SLC25A48: variants seen among roughly 807,000 people sequenced by gnomAD.
SLC25A48 encodes solute carrier family 25 member 48, also known as CTC-321K16.1.
Under a neutral mutation model 32.2 loss-of-function variants are expected in SLC25A48, and 29 were observed. The observed-to-expected ratio is 0.90, with a 90% confidence interval of 0.67 to 1.23. The LOEUF is 1.23. Among genes scored for constraint, SLC25A48 ranks in the 50% most tolerant of loss-of-function variants. The probability of loss-of-function intolerance (pLI) is 0.00; values close to 1 mark genes in which losing one functional copy is unlikely to be tolerated. For synonymous variants in SLC25A48, 164 were observed against 172.3 expected (o/e 0.95, Z 0.38); for missense variants, 399 against 422.7 (o/e 0.94, Z 0.49).
intron 2 of SLC25A48, among the ~76,000 whole-genome samples, chr5:135,632,662 A>C (rs578037387): frequency 6.6e-6 from 1 of 152,336 alleles, no homozygotes; most frequent in South Asian, 2.1e-4. Flanking sequence ...ATTCAAACCC[A>C]TGTTTTGAAC....
intron 1 of SLC25A48, among the ~76,000 whole-genome samples, chr5:135,838,811 C>G (rs1179318713): frequency 6.6e-6 from 1 of 152,242 alleles, no homozygotes; most frequent in African/African-American, 2.4e-5. Flanking sequence ...TATGAAAATG[C>G]CTGGATGTCC....
At chr5:135,678,218 G>GT (rs1277661091) in intron 3 of SLC25A48, among the ~76,000 whole-genome samples, 8 of 151,366 alleles carry the variant, frequency 5.3e-5, no homozygotes, top group South Asian at 2.1e-4. Flanking sequence ...TTTTTAATTC[G>GT]TTTTTTTTCT....
intron 1 of SLC25A48, among the ~76,000 whole-genome samples, chr5:135,587,888 A>C (rs1484664870): frequency 2.0e-5 from 3 of 152,220 alleles, no homozygotes; most frequent in African/African-American, 7.2e-5. Context: ...TGGAAGTGCA[A>C]AATCTGTCCA....
chr5:135,789,281 CT>C (rs1756953728), intron 3 of SLC25A48, among the ~76,000 whole-genome samples: 1 of 56,496 alleles, frequency 1.8e-5, no homozygotes, highest in African/African-American at 4.2e-5. Flanking sequence ...TGTACACCCC[CT>C]GCCATATGTT....
At chr5:135,775,402 C>T (rs1442825677) in intron 3 of SLC25A48, among the ~76,000 whole-genome samples, 7 of 151,528 alleles carry the variant, frequency 4.6e-5, no homozygotes, top group Non-Finnish European at 1.5e-5. Context: ...TGACATTACT[C>T]CCTATATTGT....
At chr5:135,631,989 A>C (rs140377453) in intron 2 of SLC25A48, among the ~76,000 whole-genome samples, 2 of 152,322 alleles carry the variant, frequency 1.3e-5, no homozygotes, top group East Asian at 3.9e-4. Context: ...AAGTGCCTCC[A>C]TGTTGTTTTT....
intron 3 of SLC25A48, among the ~76,000 whole-genome samples, chr5:135,753,623 G>A (rs550996824): frequency 6.6e-6 from 1 of 151,792 alleles, no homozygotes; most frequent in South Asian, 2.1e-4. Context: ...GTACACACAG[G>A]GTGCACACCC....
At chr5:135,741,565 C>T (rs1264779961) in intron 3 of SLC25A48, among the ~76,000 whole-genome samples, 1 of 152,100 alleles carries the variant, frequency 6.6e-6, no homozygotes, top group Non-Finnish European at 1.5e-5. Context: ...TGGCAAAACC[C>T]CATCTCTACA....
chr5:135,692,944 G>A (rs746147417), intron 3 of SLC25A48, among the ~76,000 whole-genome samples: 64 of 152,302 alleles, frequency 4.2e-4, no homozygotes, highest in African/African-American at 1.3e-3. Context: ...GGTCCTCTAA[G>A]TGCTTTAAAT....
Position 135,852,696 on chromosome 5 carries a change from C to T in SLC25A48, c.296C>T (p.Pro99Leu). The T allele has an allele frequency of 6.2e-7, 1 of 1,614,154 alleles. No individual in the cohort carries two copies. The highest frequency in any genetic ancestry group is 8.5e-7 in the Non-Finnish European group (1 of 1,180,002). ...CGCTGCGGGGAGCCAGAGGCCAGTC[C>T]TCCCCGCACGCTGTCAGACCTGCTC... The part of the protein sequence containing the change: ...QHRCGEPEAS[P>L]PRTLSDLLLA... Residue 99 changes from proline (P) to leucine (L), a missense_variant, in exon 4 of 8, where the codon CCT (proline) becomes CTT (leucine). Pro to Leu is a moderately conservative substitution (Grantham distance 98). Coordinates refer to ENST00000681962, the MANE Select transcript of SLC25A48 (RefSeq NM_001349336.2).
chr5:135,689,957 C>T (rs958029319), intron 3 of SLC25A48, among the ~76,000 whole-genome samples: 3 of 152,064 alleles, frequency 2.0e-5, no homozygotes, highest in Admixed American at 6.5e-5. Context: ...GACTTGGGGA[C>T]GAGGACTGGG....
intron 3 of SLC25A48, among the ~76,000 whole-genome samples, chr5:135,785,856 G>A (rs533140010): frequency 6.6e-6 from 1 of 150,544 alleles, no homozygotes; most frequent in East Asian, 2.0e-4. Flanking sequence ...CTCATAAATT[G>A]TAATAACCAG....
chr5:135,625,908 A>G lies in SLC25A48; in HGVS notation c.-848-3329A>G, dbSNP rs114082516. Reference sequence around the variant, plus strand: ...CACATTCTGGGAATGCAGCCAGTTCAGTAAATCTCTCCTGTAGGTATCTCC... The same window carrying G: ...CACATTCTGGGAATGCAGCCAGTTCGGTAAATCTCTCCTGTAGGTATCTCC... On this transcript the variant is annotated intron_variant, in intron 1 of 10. Transcript: ENST00000646290. Among the ~76,000 whole-genome samples, 912 of 152,266 alleles carry G rather than the reference A, an allele frequency of 6.0e-3. 9 individuals are homozygous for G. Among genetic ancestry groups the G allele is most frequent in the African/African-American group, 0.021 (861 of 41,538 alleles).
At chr5:135,595,570 T>C (rs1751630413) in intron 1 of SLC25A48, among the ~76,000 whole-genome samples, 1 of 152,138 alleles carries the variant, frequency 6.6e-6, no homozygotes, top group African/African-American at 2.4e-5. Flanking sequence ...ATAACATTCA[T>C]GTTTGTGGGA....
intron 3 of SLC25A48, among the ~76,000 whole-genome samples, chr5:135,770,088 G>GT (rs1356525771): frequency 6.6e-6 from 1 of 151,438 alleles, no homozygotes; most frequent in Non-Finnish European, 1.5e-5. Flanking sequence ...TAATAGCCGG[G>GT]GGGGAGACAA....
intron 3 of SLC25A48, among the ~76,000 whole-genome samples, chr5:135,721,714 G>C (rs1053770628): frequency 6.6e-6 from 1 of 152,166 alleles, no homozygotes; most frequent in Non-Finnish European, 1.5e-5. Flanking sequence ...CCTGCAGGAG[G>C]AGGAGACTTC....
chr5:135,608,738 C>G (rs140586631), intron 1 of SLC25A48, among the ~76,000 whole-genome samples: 202 of 152,282 alleles, frequency 1.3e-3, no homozygotes, highest in Admixed American at 2.1e-3. Flanking sequence ...CTTCTTCTGT[C>G]TCCATCCTCC....
At chr5:135,764,141 G>C (rs1444335013) in intron 3 of SLC25A48, among the ~76,000 whole-genome samples, 1 of 152,068 alleles carries the variant, frequency 6.6e-6, no homozygotes, top group Non-Finnish European at 1.5e-5. Flanking sequence ...TAATATCCAG[G>C]GAGGTAGAGG....
chr5:135,664,977 T>G (rs1753486971), intron 3 of SLC25A48, among the ~76,000 whole-genome samples: 1 of 152,208 alleles, frequency 6.6e-6, no homozygotes, highest in African/African-American at 2.4e-5. Flanking sequence ...AGATCTACTT[T>G]AAATTCTTTA....
Sources: gnomAD v4.1 joint callset for allele counts (sites outside exome capture counted in the v4.1 genomes callset) on GRCh38, gnomAD v4.1.1 for gene constraint, MANE v1.5 for transcripts, NCBI Gene and HGNC (gene_info 2026-07-23, HGNC 2026-07-21) for gene names.